Variants in NLGN1 observed in about 807,000 individuals in gnomAD.
NLGN1 encodes the protein neuroligin-1.
Under a neutral mutation model 65.5 loss-of-function variants are expected in NLGN1, and 12 were observed. That is an observed-to-expected ratio of 0.18 (90% confidence interval 0.12 to 0.30). The LOEUF is 0.30. NLGN1 is among the 10% of genes least tolerant of loss of function. The probability of loss-of-function intolerance (pLI) is 1.00; values close to 1 mark genes in which losing one functional copy is unlikely to be tolerated. For missense variants in NLGN1, 750 were observed against 1,007.1 expected (o/e 0.74, Z 3.46); for synonymous variants, 350 against 359.5 (o/e 0.97, Z 0.30).
chr3:173,863,748 A>C (rs1729597795), intron 4 of NLGN1, among the ~76,000 whole-genome samples: 1 of 152,212 alleles, frequency 6.6e-6, no homozygotes. Context: ...ATGTGGCTGT[A>C]TGCAAATCAG....
At chr3:173,924,830 G>C (rs1382575161) in intron 4 of NLGN1, among the ~76,000 whole-genome samples, 1 of 151,924 alleles carries the variant, frequency 6.6e-6, no homozygotes, top group East Asian at 1.9e-4. Flanking sequence ...CCACTAACTT[G>C]AACCCTTTCA....
intron 2 of NLGN1, among the ~76,000 whole-genome samples, chr3:173,538,872 G>GT (rs1737908176): frequency 9.7e-6 from 1 of 102,682 alleles, no homozygotes; most frequent in Non-Finnish European, 2.0e-5. Context: ...ATATCTTCAT[G>GT]GTTTTTTTTT....
intron 1 of NLGN1, among the ~76,000 whole-genome samples, chr3:173,409,728 A>G (rs995029410): frequency 2.0e-5 from 3 of 152,220 alleles, no homozygotes; most frequent in Non-Finnish European, 4.4e-5. Context: ...ATCAGCAACC[A>G]ACACTCTAAT....
intron 3 of NLGN1, among the ~76,000 whole-genome samples, chr3:173,625,588 C>G (rs1228573278): frequency 6.6e-6 from 1 of 152,056 alleles, no homozygotes; most frequent in African/African-American, 2.4e-5. Flanking sequence ...TGTAATGTTT[C>G]AAGTTACAAA....
intron 2 of NLGN1, among the ~76,000 whole-genome samples, chr3:173,531,875 A>T (rs1302488553): frequency 1.3e-5 from 2 of 151,910 alleles, no homozygotes; most frequent in Non-Finnish European, 2.9e-5. Flanking sequence ...AAAATCCTGC[A>T]TTTCATTATT....
At chr3:173,609,463 G>C (rs968721602) in intron 3 of NLGN1, among the ~76,000 whole-genome samples, 3 of 151,796 alleles carry the variant, frequency 2.0e-5, no homozygotes, top group Non-Finnish European at 4.4e-5. Context: ...CTTTTCCACA[G>C]GTTTTTGGTT....
chr3:173,501,954 G>A (rs899128410), intron 2 of NLGN1, among the ~76,000 whole-genome samples: 10 of 152,070 alleles, frequency 6.6e-5, no homozygotes, highest in African/African-American at 1.9e-4. Flanking sequence ...ATAAGGCAGT[G>A]TCTGAGTACT....
chr3:174,207,359 G>GC (rs1735626857), intron 4 of NLGN1, among the ~76,000 whole-genome samples: 1 of 152,154 alleles, frequency 6.6e-6, no homozygotes, highest in South Asian at 2.1e-4. Context: ...AGGTTCTTCA[G>GC]CCACAGGCAC....
Position 173,671,636 on chromosome 3 carries a change from G to A in NLGN1, c.493+66545G>A, listed in dbSNP as rs142777287. ...CTTTGGTCAATCTCCCAACACTTTT[G>A]CATATACCTTACTCTTTTTCTCCAC... On this transcript the variant is annotated intron_variant, in intron 3 of 6. Transcript: ENST00000457714. 3.0e-4 allele frequency among the ~76,000 whole-genome samples: 46 copies of A among 152,222 alleles called. 1 individual carries two copies. The highest frequency in any genetic ancestry group is 4.7e-4 in the Non-Finnish European group (32 of 68,022).
At position 173,795,358 on chromosome 3, in the gene NLGN1, A is replaced by G. The variant is rs1578470204; in HGVS notation, c.494-12322A>G. Among the ~76,000 whole-genome samples the G allele has an allele frequency of 2.6e-5, 4 of 152,182 alleles. No individual in the cohort carries two copies. In the South Asian group the frequency reaches 8.3e-4, roughly 32 times the overall value. ...AATGTAATTCCCCTTTAACTGAAAC[A>G]TTTTCCAGAAAGAAAATTATTTTTC... On this transcript the variant is annotated intron_variant, in intron 3 of 6. Coordinates refer to ENST00000457714, the Ensembl canonical transcript of NLGN1.
chr3:173,813,724 C>T (rs1718457159), intron 4 of NLGN1, among the ~76,000 whole-genome samples: 1 of 152,126 alleles, frequency 6.6e-6, no homozygotes, highest in African/African-American at 2.4e-5. Context: ...GATGCATTTC[C>T]TAGTTTTCTA....
chr3:174,273,725 G>GAC lies in NLGN1; in HGVS notation c.647-1578_647-1577dup, dbSNP rs113840926. Among the ~76,000 whole-genome samples, 325 of 151,446 alleles carry GAC rather than the reference G, an allele frequency of 2.1e-3. 4 individuals are homozygous for GAC. Among genetic ancestry groups the GAC allele is most frequent in the African/African-American group, 7.1e-3 (296 of 41,418 alleles). Reference sequence around the variant, plus strand: ...ACATTTTCAGGATTCCACAAACACAGACACACACACACAATGAGTTAGAGC... The same window carrying GAC: ...ACATTTTCAGGATTCCACAAACACAGACACACACACACACAATGAGTTAGAGC... On this transcript the variant is annotated intron_variant, in intron 4 of 6. Coordinates refer to ENST00000457714, the Ensembl canonical transcript of NLGN1.
chr3:173,474,472 C>T (rs1486226847), intron 2 of NLGN1, among the ~76,000 whole-genome samples: 1 of 152,108 alleles, frequency 6.6e-6, no homozygotes, highest in Non-Finnish European at 1.5e-5. Flanking sequence ...TATATATTCT[C>T]ATATGCAAAT....
intron 4 of NLGN1, among the ~76,000 whole-genome samples, chr3:174,130,999 T>C: frequency 6.6e-6 from 1 of 152,166 alleles, no homozygotes; most frequent in East Asian, 1.9e-4. Flanking sequence ...CATGTGATTC[T>C]TACTCATCAT....
chr3:173,502,274 C>G (rs1266711663), intron 2 of NLGN1, among the ~76,000 whole-genome samples: 2 of 152,034 alleles, frequency 1.3e-5, no homozygotes, highest in Non-Finnish European at 2.9e-5. Flanking sequence ...TTCCTAGAGA[C>G]TTAGTAAGAG....
chr3:173,611,787 T>C (rs1434465782), intron 3 of NLGN1, among the ~76,000 whole-genome samples: 1 of 152,038 alleles, frequency 6.6e-6, no homozygotes, highest in Non-Finnish European at 1.5e-5. Flanking sequence ...GTTGTCCAAT[T>C]CAATTTTTCC....
intron 4 of NLGN1, among the ~76,000 whole-genome samples, chr3:174,006,880 C>T (rs1724535676): frequency 6.6e-6 from 1 of 151,906 alleles, no homozygotes; most frequent in Non-Finnish European, 1.5e-5. Context: ...ACCAGCCTGG[C>T]TACATGGTGA....
intron 4 of NLGN1, among the ~76,000 whole-genome samples, chr3:173,967,649 T>G (rs993204629): frequency 2.0e-5 from 3 of 152,166 alleles, no homozygotes; most frequent in Non-Finnish European, 4.4e-5. Context: ...TTTTTACTTC[T>G]TATTTTCAAG....
At chr3:173,953,503 A>C (rs1247683154) in intron 4 of NLGN1, among the ~76,000 whole-genome samples, 2 of 152,170 alleles carry the variant, frequency 1.3e-5, no homozygotes, top group Non-Finnish European at 2.9e-5. Context: ...ACAGTCCTGG[A>C]CTGCCTGAGG....
Sources: gnomAD v4.1 joint callset for allele counts (sites outside exome capture counted in the v4.1 genomes callset) on GRCh38, gnomAD v4.1.1 for gene constraint, MANE v1.5 for transcripts, NCBI Gene and HGNC (gene_info 2026-07-23, HGNC 2026-07-21) for gene names.